Variants in CADM2 observed in about 807,000 individuals in gnomAD.
CADM2 encodes the protein cell adhesion molecule 2.
CADM2 carries 12 observed loss-of-function variants against 49.8 expected under a neutral mutation model. The ratio of observed to expected loss-of-function variants is 0.24; its 90% CI spans 0.15 to 0.39. The LOEUF (loss-of-function observed/expected upper bound fraction) is 0.39, where lower values mean the gene tolerates loss of function less well. Among genes scored for constraint, CADM2 ranks in the 10% least tolerant of loss-of-function variants. The pLI is 1.00. For synonymous variants in CADM2, 214 were observed against 175.4 expected, an observed-to-expected ratio of 1.22 and a Z score of -1.74; for missense variants, 378 against 492.3, an observed-to-expected ratio of 0.77 and a Z score of 2.20.
At chr3:85,240,270 CT>C (rs1437443317) in intron 1 of CADM2, among the ~76,000 whole-genome samples, 1 of 151,094 alleles carries the variant, frequency 6.6e-6, no homozygotes, top group African/African-American at 2.4e-5. Context: ...GCTTTTATGC[CT>C]TGATAAATTG....
At chr3:85,724,698 T>C (rs2067624593) in intron 1 of CADM2, among the ~76,000 whole-genome samples, 2 of 151,940 alleles carry the variant, frequency 1.3e-5, no homozygotes, top group South Asian at 4.1e-4. Flanking sequence ...TAGGTTTTTA[T>C]AAGAACTGCA....
chr3:85,156,917 C>G (rs188688659), intron 1 of CADM2, among the ~76,000 whole-genome samples: 2 of 152,120 alleles, frequency 1.3e-5, no homozygotes, highest in South Asian at 2.1e-4. Context: ...TTGCAGACGA[C>G]ATGATTGTAT....
intron 5 of CADM2, among the ~76,000 whole-genome samples, chr3:85,902,518 T>C (rs1716262232): frequency 1.3e-5 from 2 of 151,854 alleles, no homozygotes; most frequent in African/African-American, 4.8e-5. Context: ...CCTGTAATCT[T>C]ATAATTGATA....
intron 1 of CADM2, among the ~76,000 whole-genome samples, chr3:85,033,389 A>T (rs1559627000): frequency 6.6e-6 from 1 of 152,180 alleles, no homozygotes; most frequent in Non-Finnish European, 1.5e-5. Context: ...AGATATAACT[A>T]AATGCCATGG....
At chr3:85,595,839 C>CT (rs1656338375) in intron 1 of CADM2, among the ~76,000 whole-genome samples, 1 of 151,812 alleles carries the variant, frequency 6.6e-6, no homozygotes, top group Admixed American at 6.6e-5. Flanking sequence ...AAGTGTTACA[C>CT]TTTTTTTCTT....
chr3:85,601,404 A>G (rs777836487), intron 1 of CADM2, among the ~76,000 whole-genome samples: 1 of 151,052 alleles, frequency 6.6e-6, no homozygotes, highest in Non-Finnish European at 1.5e-5. Flanking sequence ...GACCCATTAT[A>G]TTGTAATCAC....
intron 1 of CADM2, among the ~76,000 whole-genome samples, chr3:85,303,381 G>A (rs1314570207): frequency 6.6e-6 from 1 of 151,886 alleles, no homozygotes; most frequent in Non-Finnish European, 1.5e-5. Context: ...GACAAAATTA[G>A]CTCTCACACC....
At chr3:85,655,465 G>A (rs1303742732) in intron 1 of CADM2, among the ~76,000 whole-genome samples, 2 of 151,564 alleles carry the variant, frequency 1.3e-5, no homozygotes, top group African/African-American at 2.4e-5. Flanking sequence ...AGCCCCGCTT[G>A]GTAATTTTTT....
chr3:85,564,449 C>A (rs2062195699), intron 1 of CADM2, among the ~76,000 whole-genome samples: 1 of 151,956 alleles, frequency 6.6e-6, no homozygotes, highest in South Asian at 2.1e-4. Flanking sequence ...AAACGGTGAA[C>A]AACATAGCTA....
chr3:85,166,283 G>T (rs1221097132), intron 1 of CADM2, among the ~76,000 whole-genome samples: 1 of 151,740 alleles, frequency 6.6e-6, no homozygotes, highest in Admixed American at 6.6e-5. Flanking sequence ...CTTTAATTCA[G>T]TGTGGCATGA....
intron 1 of CADM2, among the ~76,000 whole-genome samples, chr3:85,561,921 A>C (rs2062106459): frequency 6.6e-6 from 1 of 152,174 alleles, no homozygotes; most frequent in Non-Finnish European, 1.5e-5. Flanking sequence ...AAAAACAGAA[A>C]ATAAGCAAGA....
intron 1 of CADM2, among the ~76,000 whole-genome samples, chr3:84,963,731 A>G (rs774082790): frequency 3.9e-5 from 6 of 152,164 alleles, no homozygotes; most frequent in Non-Finnish European, 8.8e-5. Flanking sequence ...CTCACCTTAC[A>G]TTTTTAGAAA....
intron 1 of CADM2, among the ~76,000 whole-genome samples, chr3:84,980,266 T>G (rs2032090085): frequency 1.3e-5 from 2 of 152,108 alleles, no homozygotes; most frequent in Non-Finnish European, 2.9e-5. Context: ...GAACATTCTT[T>G]TTTTCACCCT....
chr3:85,345,836 C>A (rs2030581387), intron 1 of CADM2, among the ~76,000 whole-genome samples: 1 of 152,084 alleles, frequency 6.6e-6, no homozygotes, highest in South Asian at 2.1e-4. Flanking sequence ...TATACAAGAT[C>A]ATTTTTTTGT....
intron 5 of CADM2, among the ~76,000 whole-genome samples, chr3:85,894,187 G>T (rs1714883888): frequency 6.6e-6 from 1 of 152,158 alleles, no homozygotes; most frequent in South Asian, 2.1e-4. Context: ...ATGAGTTCAT[G>T]TCCTTTGTAG....
At chr3:85,404,992 T>A (rs993117580) in intron 1 of CADM2, among the ~76,000 whole-genome samples, 2 of 152,292 alleles carry the variant, frequency 1.3e-5, no homozygotes, top group Admixed American at 6.5e-5. Context: ...GTTAAAAATA[T>A]ACTTCAGATA....
intron 1 of CADM2, among the ~76,000 whole-genome samples, chr3:85,600,000 G>A (rs1005515084): frequency 6.6e-6 from 1 of 151,922 alleles, no homozygotes; most frequent in African/African-American, 2.4e-5. Context: ...ATGAAATAAA[G>A]TGTTTTTATT....
At chr3:86,061,599 GTTT>G (rs1356400989) in intron 8 of CADM2, among the ~76,000 whole-genome samples, 2 of 152,008 alleles carry the variant, frequency 1.3e-5, no homozygotes, top group African/African-American at 4.8e-5. Context: ...TTGCAAAAGT[GTTT>G]TTTATTCTAT....
chr3:85,773,226 T>C (rs920660812), intron 2 of CADM2, among the ~76,000 whole-genome samples: 4 of 151,568 alleles, frequency 2.6e-5, no homozygotes, highest in Non-Finnish European at 5.9e-5. Flanking sequence ...CATAGCAGAG[T>C]GGTGTGAAAC....
Sources: allele counts gnomAD v4.1 joint callset (sites outside exome capture counted in the v4.1 genomes callset), GRCh38; gene constraint gnomAD v4.1.1; transcripts MANE v1.5; gene names NCBI Gene and HGNC (gene_info 2026-07-23, HGNC 2026-07-21).